Variants in ARHGAP28 observed in about 807,000 individuals in gnomAD.
The protein encoded by ARHGAP28 is rho GTPase-activating protein 28.
Under a neutral mutation model 90.7 loss-of-function variants are expected in ARHGAP28, and 56 were observed. The ratio of observed to expected loss-of-function variants is 0.62; its 90% confidence interval spans 0.50 to 0.77. The LOEUF is 0.77. Among genes scored for constraint, ARHGAP28 ranks in the 30% least tolerant of loss-of-function variants. The pLI, the probability that ARHGAP28 is intolerant of heterozygous loss-of-function variation, is 0.00. For synonymous variants in ARHGAP28, 308 were observed against 323.3 expected (o/e 0.95, Z 0.51); for missense variants, 869 against 900.9 (o/e 0.96, Z 0.45).
At chr18:6,804,185 A>G (rs1468879007) in intron 1 of ARHGAP28, among the ~76,000 whole-genome samples, 3 of 152,212 alleles carry the variant, frequency 2.0e-5, no homozygotes, top group African/African-American at 7.2e-5. Context: ...TGTGTTTTAC[A>G]AGGAATTTAT....
At chr18:6,741,437 G>T (rs1174990712) in intron 1 of ARHGAP28, among the ~76,000 whole-genome samples, 1 of 152,178 alleles carries the variant, frequency 6.6e-6, no homozygotes, top group Non-Finnish European at 1.5e-5. Context: ...GCATGGAATT[G>T]GAAAAAGCAG....
chr18:6,882,031 C>A, intron 10 of ARHGAP28, 106 bp from the exon 11 acceptor site: 1 of 1,028,184 alleles, frequency 9.7e-7, no homozygotes, highest in Non-Finnish European at 1.4e-6. Context: ...CATTACCTTA[C>A]CAGTCTGTTT....
intron 1 of ARHGAP28, among the ~76,000 whole-genome samples, chr18:6,784,048 A>G (rs2056347547): frequency 6.6e-6 from 1 of 152,010 alleles, no homozygotes; most frequent in Non-Finnish European, 1.5e-5. Flanking sequence ...GCAGACTCTT[A>G]TTAAAACCTC....
At position 6,783,303 on chromosome 18, in the gene ARHGAP28, CT is replaced by C. The variant is rs1272954141; in HGVS notation, c.123-41444del. On this transcript the variant is annotated intron_variant, in intron 1 of 17. Coordinates refer to ENST00000383472, the MANE Select transcript of ARHGAP28 (RefSeq NM_001366230.1). ...ACTCTTTGTGTTTTAAGGGTATTTA[CT>C]TTTTTTTTTTTTTTGAGATGGAGTT... 9.4e-3 allele frequency among the ~76,000 whole-genome samples: 1,325 copies of C among 140,748 alleles called. 29 individuals carry two copies. The East Asian group carries it at 0.095, about 10-fold the overall frequency. 92.3% of individuals were successfully genotyped at this position (140,748 alleles called of 152,430 possible). A position where few individuals can be genotyped will look rare whatever the true frequency, so the allele number is the denominator to read the frequency against.
intron 5 of ARHGAP28, among the ~76,000 whole-genome samples, chr18:6,865,109 C>G (rs989811048): frequency 6.6e-6 from 1 of 152,070 alleles, no homozygotes; most frequent in Non-Finnish European, 1.5e-5. Flanking sequence ...CTTGGCTCTA[C>G]TTGGATAATT....
intron 16 of ARHGAP28, among the ~76,000 whole-genome samples, chr18:6,907,184 G>A (rs1047249357): frequency 3.3e-5 from 5 of 152,206 alleles, no homozygotes; most frequent in Admixed American, 6.5e-5. Context: ...ACAGAGAAAC[G>A]GGATCACTCA....
chr18:6,850,732 C>T lies in ARHGAP28; in HGVS notation c.544-302C>T. 1.5e-6 allele frequency: 2 copies of T among 1,322,040 alleles called. 1 individual carries two copies. The highest frequency in any genetic ancestry group is 3.0e-5 in the African/African-American group (2 of 65,682). The allele number at this position is 1,322,040 out of a possible 1,614,324, so 81.9% of individuals were successfully genotyped here. ...CTCAGTCTTTTTAGTTAGAACATAC[C>T]ATCTTGGAGCAAAATCATGATATTC... On this transcript the variant is annotated intron_variant, in intron 3 of 17. Coordinates refer to ENST00000383472, the MANE Select transcript of ARHGAP28 (RefSeq NM_001366230.1).
intron 1 of ARHGAP28, among the ~76,000 whole-genome samples, chr18:6,806,575 T>A (rs2056520827): frequency 1.3e-5 from 2 of 152,122 alleles, no homozygotes; most frequent in South Asian, 4.1e-4. Context: ...CTTCTGTATC[T>A]CCTTCTCCCT....
intron 2 of ARHGAP28, among the ~76,000 whole-genome samples, chr18:6,827,707 C>T (rs1476863665): frequency 1.3e-5 from 2 of 151,434 alleles, no homozygotes; most frequent in Admixed American, 6.6e-5. Context: ...ACTTCCCAGA[C>T]GGTGTGGTTG....
chr18:6,886,511 A>G (rs901945559), intron 11 of ARHGAP28, among the ~76,000 whole-genome samples: 1 of 152,230 alleles, frequency 6.6e-6, no homozygotes, highest in Non-Finnish European at 1.5e-5. Flanking sequence ...CTAAGTGTCC[A>G]TGGAAGATCT....
intron 3 of ARHGAP28, chr18:6,850,791 C>T (rs912875027): frequency 3.0e-5 from 45 of 1,515,908 alleles, no homozygotes; most frequent in South Asian, 7.5e-5. Flanking sequence ...TGGGTTTTGG[C>T]AGGAAGCTAG....
chr18:6,750,922 A>G (rs1451577242), intron 1 of ARHGAP28, among the ~76,000 whole-genome samples: 1 of 152,086 alleles, frequency 6.6e-6, no homozygotes, highest in Non-Finnish European at 1.5e-5. Flanking sequence ...CTGGGTCTAG[A>G]TTATTTCCTT....
chr18:6,738,946 A>T (rs1171380859), intron 1 of ARHGAP28, among the ~76,000 whole-genome samples: 2 of 152,190 alleles, frequency 1.3e-5, no homozygotes, highest in Admixed American at 1.3e-4. Context: ...TGGTCCTGCG[A>T]TGTTGATTCT....
rs1377533306 is a variant in ARHGAP28, at chr18:6,887,138, A to G, written c.1454-19A>G. 1 of 1,607,574 alleles carries G rather than the reference A, an allele frequency of 6.2e-7. No homozygotes were observed. Among genetic ancestry groups the G allele is most frequent in the Non-Finnish European group, 8.5e-7 (1 of 1,174,130 alleles). On this transcript the variant is annotated intron_variant, in intron 11 of 17. Transcript: ENST00000383472. ...TCAGGGCTATTTAAAATGTATGACT[A>G]TTTCTGTTTTCTTGTTAGGAGGGCC...
intron 1 of ARHGAP28, among the ~76,000 whole-genome samples, chr18:6,736,187 T>A (rs2143138042): frequency 6.6e-6 from 1 of 152,324 alleles, no homozygotes; most frequent in Middle Eastern, 3.4e-3. Flanking sequence ...TACATTTGAC[T>A]CATTTTACAT....
intron 1 of ARHGAP28, among the ~76,000 whole-genome samples, chr18:6,772,051 A>C (rs2056247062): frequency 6.6e-6 from 1 of 152,108 alleles, no homozygotes; most frequent in African/African-American, 2.4e-5. Context: ...AATCCATAAA[A>C]CCCCACAAAA....
At chr18:6,784,693 A>G (rs9949927) in intron 1 of ARHGAP28, among the ~76,000 whole-genome samples, 140,118 of 152,282 alleles carry the variant, frequency 0.92, 64,768 homozygotes, top group Non-Finnish European at 0.95. Flanking sequence ...GTACATAACA[A>G]AGATGGGAAC....
intron 1 of ARHGAP28, among the ~76,000 whole-genome samples, chr18:6,777,488 A>T (rs535241033): frequency 2.0e-5 from 3 of 152,234 alleles, no homozygotes; most frequent in Non-Finnish European, 1.5e-5. Flanking sequence ...TTTGGAGGGC[A>T]GAGGTGGGAA....
chr18:6,839,164 C>CGT (rs2056777510), intron 3 of ARHGAP28, among the ~76,000 whole-genome samples: 1 of 152,052 alleles, frequency 6.6e-6, no homozygotes, highest in Non-Finnish European at 1.5e-5. Flanking sequence ...GGACAAGTAA[C>CGT]GTGTCTTGTG....
Sources: gnomAD v4.1 joint callset for allele counts (sites outside exome capture counted in the v4.1 genomes callset) on GRCh38, gnomAD v4.1.1 for gene constraint, MANE v1.5 for transcripts, NCBI Gene and HGNC (gene_info 2026-07-23, HGNC 2026-07-21) for gene names.